The following SMIM10L2A variants were observed in gnomAD, a reference collection of about 807,000 sequenced individuals.
The protein encoded by SMIM10L2A is small integral membrane protein 10-like protein 2A.
A neutral mutation model predicts 3.0 loss-of-function variants in SMIM10L2A; 2 were observed. That is an observed-to-expected ratio of 0.66 (90% CI 0.27 to 2.08). The LOEUF (loss-of-function observed/expected upper bound fraction) is 2.08, where lower values mean the gene tolerates loss of function less well. SMIM10L2A is among the 30% of genes most tolerant of loss of function. The pLI is 0.14. For synonymous variants in SMIM10L2A, 29 were observed against 34.8 expected, an observed-to-expected ratio of 0.83 and a Z score of 0.58; for missense variants, 59 against 66.5, an observed-to-expected ratio of 0.89 and a Z score of 0.39.
Position 135,426,505 on chromosome X carries a change from G to T in SMIM10L2A, c.*3235G>T, listed in dbSNP as rs1352176423. ...GTGAAGACTGGGTTTAGGGGCCCTG[G>T]GGGCACTCCTGTTGCCAAGGGCTAC... On this transcript the variant is annotated 3_prime_UTR_variant, in exon 2 of 2. Coordinates refer to ENST00000417443, the MANE Select transcript of SMIM10L2A (RefSeq NM_203306.3). 1 of 112,557 alleles carries T rather than the reference G, an allele frequency of 8.9e-6. No individual in the cohort carries two copies. The highest frequency in any genetic ancestry group is 1.9e-5 in the Non-Finnish European group (1 of 53,209). The allele number at this position is 112,557 out of a possible 1,213,427, so 9.3% of individuals were successfully genotyped here.
Position 135,427,052 on chromosome X carries a change from C to T in SMIM10L2A, c.*3782C>T, listed in dbSNP as rs1399611855. On this transcript the variant is annotated 3_prime_UTR_variant, in exon 2 of 2. Transcript: ENST00000417443. ...GAATCGGCCTCTGATGAGAGCCTGC[C>T]ATGTGCCAGGCACCATACTAGGTGC... 5 of 112,896 alleles carry T rather than the reference C, an allele frequency of 4.4e-5. No individual in the cohort carries two copies. The highest frequency in any genetic ancestry group is 1.9e-5 in the Non-Finnish European group (1 of 53,383). 9.3% of individuals were successfully genotyped at this position (112,896 alleles called of 1,213,427 possible).
chrX:135,422,330 G>A lies in SMIM10L2A; in HGVS notation c.199G>A (p.Val67Met). The A allele has an allele frequency of 1.1e-6, 1 of 892,627 alleles. No individual in the cohort carries two copies. Among genetic ancestry groups the A allele is most frequent in the Non-Finnish European group, 1.5e-6 (1 of 666,765 alleles). The allele number at this position is 892,627 out of a possible 1,213,427, so 73.6% of individuals were successfully genotyped here. A position where few individuals can be genotyped will look rare whatever the true frequency, so the allele number is the denominator to read the frequency against. The change falls in exon 1 of 2, where the codon GTG becomes ATG. Residue 67 changes from valine (V) to methionine (M), a missense_variant. By Grantham distance (21) the Val-to-Met change is conservative. Coordinates refer to ENST00000417443, the MANE Select transcript of SMIM10L2A (RefSeq NM_203306.3). ...NFPYFYIVAS[V>M]MLNVRLQVRI... ...CCCCTACTTCTACATCGTGGCCTCG[G>A]TGATGCTTAACGTCCGCCTGCAGGT...
chrX:135,422,320 C>T lies in SMIM10L2A; in HGVS notation c.189C>T (p.Ile63=). 4 of 925,527 alleles carry T rather than the reference C, an allele frequency of 4.3e-6. No individual in the cohort carries two copies. Among genetic ancestry groups the T allele is most frequent in the Non-Finnish European group, 5.8e-6 (4 of 692,625 alleles). 76.3% of individuals were successfully genotyped at this position (925,527 alleles called of 1,213,427 possible). ...RLRMNFPYFY[I]VASVMLNVRL... is the part of the protein sequence containing the mutation. The stretch of plus-strand genomic sequence containing the variant: ...GCATGAACTTCCCCTACTTCTACAT[C>T]GTGGCCTCGGTGATGCTTAACGTCC... The change falls in exon 1 of 2, where the codon ATC becomes ATT. Residue 63 remains isoleucine (I), a synonymous_variant. Transcript: ENST00000417443.
Position 135,422,380 on chromosome X carries a change from G to A in SMIM10L2A, c.*12G>A. 8.2e-6 allele frequency: 5 copies of A among 609,901 alleles called. No homozygotes were observed. Among genetic ancestry groups the A allele is most frequent in the Non-Finnish European group, 1.1e-5 (5 of 438,378 alleles). 50.3% of individuals were successfully genotyped at this position (609,901 alleles called of 1,213,427 possible). A position where few individuals can be genotyped will look rare whatever the true frequency, so the allele number is the denominator to read the frequency against. ...TGCGGATCGAGTGAGCGCCGGCGGC[G>A]GCGGCGGCGAAGGCCCGGCTGAAGG... On this transcript the variant is annotated 3_prime_UTR_variant, in exon 1 of 2. Coordinates refer to ENST00000417443, the MANE Select transcript of SMIM10L2A (RefSeq NM_203306.3).
rs66506209 is a variant in SMIM10L2A, at chrX:135,426,830, AAAGCCCT to A, written c.*3561_*3567del. 37,075 of 112,057 alleles carry A rather than the reference AAAGCCCT, an allele frequency of 0.33. 4,651 individuals are homozygous for A. Among genetic ancestry groups the A allele is most frequent in the South Asian group, 0.52 (1,416 of 2,735 alleles). The allele number at this position is 112,057 out of a possible 1,213,427, so 9.2% of individuals were successfully genotyped here. A position where few individuals can be genotyped will look rare whatever the true frequency, so the allele number is the denominator to read the frequency against. ...TGCTCCGATGGGACTCCAGGAGACC[AAAGCCCT>A]GAGCCCTGAGCCCAGCTCTTCCACT... is the stretch of plus-strand genomic sequence containing the variant. On this transcript the variant is annotated 3_prime_UTR_variant, in exon 2 of 2. Coordinates refer to ENST00000417443, the MANE Select transcript of SMIM10L2A (RefSeq NM_203306.3).
At position 135,427,001 on chromosome X, in the gene SMIM10L2A, T is replaced by G. The variant is rs2085155419; in HGVS notation, c.*3731T>G. 1 of 113,154 alleles carries G rather than the reference T, an allele frequency of 8.8e-6. No homozygotes were observed. Among genetic ancestry groups the G allele is most frequent in the Admixed American group, 9.3e-5 (1 of 10,804 alleles). 9.3% of individuals were successfully genotyped at this position (113,154 alleles called of 1,213,427 possible). A position where few individuals can be genotyped will look rare whatever the true frequency, so the allele number is the denominator to read the frequency against. On this transcript the variant is annotated 3_prime_UTR_variant, in exon 2 of 2. Coordinates refer to ENST00000417443, the MANE Select transcript of SMIM10L2A (RefSeq NM_203306.3). ...GTCTCACCTGGAGCAGCCTTGTTAC[T>G]GTGGGGAAAAGGAACCAAGTGAAGG... is the stretch of plus-strand genomic sequence containing the variant.
At chrX:135,423,227 G>C (rs1400402399) in intron 1 of SMIM10L2A, among the ~76,000 whole-genome samples, 1 of 112,476 alleles carries the variant, frequency 8.9e-6, no homozygotes, top group African/African-American at 3.2e-5. Flanking sequence ...CAGAGGACTG[G>C]TCTCTGCCTG....
Position 135,427,686 on chromosome X carries a change from C to G in SMIM10L2A, c.*4416C>G, listed in dbSNP as rs1176903172. ...TTCCGCTATTTCATGTTTGTCTTACCATGTTATTATGTATTTTCCTACATC... is the reference window on the plus strand; with the variant it reads ...TTCCGCTATTTCATGTTTGTCTTACGATGTTATTATGTATTTTCCTACATC... On this transcript the variant is annotated 3_prime_UTR_variant, in exon 2 of 2. Coordinates refer to ENST00000417443, the MANE Select transcript of SMIM10L2A (RefSeq NM_203306.3). 1 of 112,021 alleles carries G rather than the reference C, an allele frequency of 8.9e-6. No homozygotes were observed. Among genetic ancestry groups the G allele is most frequent in the Non-Finnish European group, 1.9e-5 (1 of 53,193 alleles). The allele number at this position is 112,021 out of a possible 1,213,427, so 9.2% of individuals were successfully genotyped here.
Position 135,422,200 on chromosome X carries a change from G to A in SMIM10L2A, c.69G>A (p.Leu23=). The change falls in exon 1 of 2, where the codon CTG becomes CTA. Residue 23 remains leucine (L), a synonymous_variant. Coordinates refer to ENST00000417443, the MANE Select transcript of SMIM10L2A (RefSeq NM_203306.3). ...AAALSGLAVR[L]SRSAAARGSY... is the part of the protein sequence containing the mutation. ...CCCTGTCTGGCCTGGCGGTGCGGCTGTCGCGCTCAGCTGCGGCCCGAGGCT... is the reference window on the plus strand; with the variant it reads ...CCCTGTCTGGCCTGGCGGTGCGGCTATCGCGCTCAGCTGCGGCCCGAGGCT... 1 of 986,603 alleles carries A rather than the reference G, an allele frequency of 1.0e-6. No individual in the cohort carries two copies. Among genetic ancestry groups the A allele is most frequent in the Non-Finnish European group, 1.3e-6 (1 of 745,694 alleles). 81.3% of individuals were successfully genotyped at this position (986,603 alleles called of 1,213,427 possible).
rs1430743374 is a variant in SMIM10L2A, at chrX:135,426,891, G to A, written c.*3621G>A. On this transcript the variant is annotated 3_prime_UTR_variant, in exon 2 of 2. Transcript: ENST00000417443. The stretch of plus-strand genomic sequence containing the variant: ...TACTGTGTGGTGCCAGGCAAGCTGT[G>A]CACAACCTGGAGTTTTTAGTAAGGT... The A allele has an allele frequency of 8.8e-6, 1 of 113,255 alleles. No homozygotes were observed. Among genetic ancestry groups the A allele is most frequent in the Non-Finnish European group, 1.9e-5 (1 of 53,404 alleles). 9.3% of individuals were successfully genotyped at this position (113,255 alleles called of 1,213,427 possible).
In SMIM10L2A at chrX:135,422,396, C is replaced by G. The variant is rs377371228; in HGVS notation, c.*28C>G. 117 of 472,851 alleles carry G rather than the reference C, an allele frequency of 2.5e-4. No individual in the cohort carries two copies. In the East Asian group the frequency reaches 3.5e-3, roughly 14 times the overall value. 39.0% of individuals were successfully genotyped at this position (472,851 alleles called of 1,213,427 possible). ...GCCGGCGGCGGCGGCGGCGAAGGCC[C>G]GGCTGAAGGGGCGCCCGTGTCCCCG... is the stretch of plus-strand genomic sequence containing the variant. On this transcript the variant is annotated 3_prime_UTR_variant, in exon 1 of 2. Transcript: ENST00000417443.
In SMIM10L2A at chrX:135,426,099, A is replaced by C. The variant is rs1284465544; in HGVS notation, c.*2829A>C. The C allele has an allele frequency of 8.9e-6, 1 of 111,930 alleles. No individual in the cohort carries two copies. Among genetic ancestry groups the C allele is most frequent in the African/African-American group, 3.3e-5 (1 of 30,738 alleles). The allele number at this position is 111,930 out of a possible 1,213,427, so 9.2% of individuals were successfully genotyped here. A position where few individuals can be genotyped will look rare whatever the true frequency, so the allele number is the denominator to read the frequency against. ...AGTGTCTTAAGTCAGTAGAATCCTG[A>C]GGGTGGACTAGGGTGAAGTGAACTG... On this transcript the variant is annotated 3_prime_UTR_variant, in exon 2 of 2. Coordinates refer to ENST00000417443, the MANE Select transcript of SMIM10L2A (RefSeq NM_203306.3).
In SMIM10L2A at chrX:135,425,779, T is replaced by C. The variant is rs2085150326; in HGVS notation, c.*2509T>C. ...CCAACTGGAGGCCTCCCGTGTCTGG[T>C]GGGGGTGATGCAGTGGCCCCGGGTG... On this transcript the variant is annotated 3_prime_UTR_variant, in exon 2 of 2. Coordinates refer to ENST00000417443, the MANE Select transcript of SMIM10L2A (RefSeq NM_203306.3). The C allele has an allele frequency of 1.8e-5, 2 of 111,814 alleles. No individual in the cohort carries two copies. The highest frequency in any genetic ancestry group is 1.9e-4 in the Admixed American group (2 of 10,668). The allele number at this position is 111,814 out of a possible 1,213,427, so 9.2% of individuals were successfully genotyped here. A position where few individuals can be genotyped will look rare whatever the true frequency, so the allele number is the denominator to read the frequency against.
In SMIM10L2A at chrX:135,425,771, G is replaced by A. The variant is rs782477906; in HGVS notation, c.*2501G>A. On this transcript the variant is annotated 3_prime_UTR_variant, in exon 2 of 2. Transcript: ENST00000417443. ...CTAAAATCCCAACTGGAGGCCTCCCGTGTCTGGTGGGGGTGATGCAGTGGC... is the reference window on the plus strand; with the variant it reads ...CTAAAATCCCAACTGGAGGCCTCCCATGTCTGGTGGGGGTGATGCAGTGGC... The A allele has an allele frequency of 3.6e-5, 4 of 112,077 alleles. No homozygotes were observed. Among genetic ancestry groups the A allele is most frequent in the African/African-American group, 9.8e-5 (3 of 30,748 alleles). The allele number at this position is 112,077 out of a possible 1,213,427, so 9.2% of individuals were successfully genotyped here.
In SMIM10L2A at chrX:135,424,396, G is replaced by A. The variant is rs1316605930; in HGVS notation, c.*1126G>A. 1 of 110,710 alleles carries A rather than the reference G, an allele frequency of 9.0e-6. No individual in the cohort carries two copies. The highest frequency in any genetic ancestry group is 1.9e-5 in the Non-Finnish European group (1 of 52,708). 9.1% of individuals were successfully genotyped at this position (110,710 alleles called of 1,213,427 possible). ...CCTGGAGACACGACATAACCAGGAGGGTGAAGGGATAAACCTGGGGTGGGC... is the reference window on the plus strand; with the variant it reads ...CCTGGAGACACGACATAACCAGGAGAGTGAAGGGATAAACCTGGGGTGGGC... On this transcript the variant is annotated 3_prime_UTR_variant, in exon 2 of 2. Transcript: ENST00000417443.
rs1331766512 is a variant in SMIM10L2A, at chrX:135,423,746, G to T, written c.*476G>T. 4 of 113,704 alleles carry T rather than the reference G, an allele frequency of 3.5e-5. No homozygotes were observed. The highest frequency in any genetic ancestry group is 7.5e-5 in the Non-Finnish European group (4 of 53,441). The allele number at this position is 113,704 out of a possible 1,213,427, so 9.4% of individuals were successfully genotyped here. On this transcript the variant is annotated 3_prime_UTR_variant, in exon 2 of 2. Coordinates refer to ENST00000417443, the MANE Select transcript of SMIM10L2A (RefSeq NM_203306.3). ...TTGCCTGGGCAGAGGCAGCGTGAAG[G>T]GCCTGAACAAGAGGAGAAGAAGGGC...
rs2085146774 is a variant in SMIM10L2A, at chrX:135,425,016, A to G, written c.*1746A>G. 1 of 112,015 alleles carries G rather than the reference A, an allele frequency of 8.9e-6. No homozygotes were observed. The highest frequency in any genetic ancestry group is 3.7e-4 in the South Asian group (1 of 2,682). The allele number at this position is 112,015 out of a possible 1,213,427, so 9.2% of individuals were successfully genotyped here. ...GGGCAGCCTCTATGGGACAAGAGTGACACAGGGCTGGAGAAGAGGAGTGAG... is the reference window on the plus strand; with the variant it reads ...GGGCAGCCTCTATGGGACAAGAGTGGCACAGGGCTGGAGAAGAGGAGTGAG... On this transcript the variant is annotated 3_prime_UTR_variant, in exon 2 of 2. Coordinates refer to ENST00000417443, the MANE Select transcript of SMIM10L2A (RefSeq NM_203306.3).
rs1257018522 is a variant in SMIM10L2A at position 135,423,695 on chromosome X, C to T, written c.*425C>T. 5 of 113,848 alleles carry T rather than the reference C, an allele frequency of 4.4e-5. No homozygotes were observed. The highest frequency in any genetic ancestry group is 1.6e-4 in the African/African-American group (5 of 31,385). 9.4% of individuals were successfully genotyped at this position (113,848 alleles called of 1,213,427 possible). ...GGCCTTGCCAAGAGTCACATCCCTG[C>T]CCAGGGGCACCTCTGGCCCTGGAAC... On this transcript the variant is annotated 3_prime_UTR_variant, in exon 2 of 2. Transcript: ENST00000417443.
rs2085135601 is a variant in SMIM10L2A at position 135,422,547 on chromosome X, C to T, written c.*179C>T. 2 of 238,980 alleles carry T rather than the reference C, an allele frequency of 8.4e-6. No homozygotes were observed. Among genetic ancestry groups the T allele is most frequent in the South Asian group, 2.6e-4 (1 of 3,886 alleles). 19.7% of individuals were successfully genotyped at this position (238,980 alleles called of 1,213,427 possible). On this transcript the variant is annotated 3_prime_UTR_variant, in exon 1 of 2. Transcript: ENST00000417443. Reference sequence around the variant, plus strand: ...GGGCACGACGGCCCAGCCCTGGCCCCGGCTGCGGTCTCAGCCCGGGGGCCC... The same window carrying T: ...GGGCACGACGGCCCAGCCCTGGCCCTGGCTGCGGTCTCAGCCCGGGGGCCC...
Sources: allele counts gnomAD v4.1 joint callset (sites outside exome capture counted in the v4.1 genomes callset), GRCh38; gene constraint gnomAD v4.1.1; transcripts MANE v1.5; gene names NCBI Gene and HGNC (gene_info 2026-07-23, HGNC 2026-07-21).